The following EDIL3 variants were observed in gnomAD, a reference collection of about 807,000 sequenced individuals.
The protein encoded by EDIL3 is EGF-like repeat and discoidin I-like domain-containing protein 3.
In EDIL3, 37 loss-of-function variants were observed where a neutral mutation model predicts 67.4. The observed-to-expected ratio is 0.55, with a 90% confidence interval of 0.42 to 0.72. The LOEUF (loss-of-function observed/expected upper bound fraction) is 0.72, where lower values mean the gene tolerates loss of function less well. Ranked by LOEUF, EDIL3 falls within the 30% of genes least tolerant of loss-of-function variation. The probability of loss-of-function intolerance (pLI) is 0.00; values close to 1 mark genes in which losing one functional copy is unlikely to be tolerated. For missense variants in EDIL3, 527 were observed against 586.3 expected (o/e 0.90, Z 1.04); for synonymous variants, 195 against 196.3 (o/e 0.99, Z 0.05).
At chr5:84,215,634 T>G (rs1315116527) in intron 3 of EDIL3, among the ~76,000 whole-genome samples, 1 of 152,180 alleles carries the variant, frequency 6.6e-6, no homozygotes, top group Non-Finnish European at 1.5e-5. Flanking sequence ...ATGTGTGAAC[T>G]TTTTAGAGAC....
chr5:84,210,302 T>C (rs1340583524), intron 3 of EDIL3, among the ~76,000 whole-genome samples: 1 of 152,170 alleles, frequency 6.6e-6, no homozygotes, highest in Non-Finnish European at 1.5e-5. Context: ...TTTTACGTTT[T>C]GCAATGATGT....
chr5:84,035,086 G>C (rs1005717061), intron 9 of EDIL3, among the ~76,000 whole-genome samples: 2 of 151,906 alleles, frequency 1.3e-5, no homozygotes, highest in African/African-American at 4.8e-5. Context: ...AAGCTAATAC[G>C]ACTTTGGGAA....
chr5:84,265,898 T>G (rs1222717997), intron 1 of EDIL3, among the ~76,000 whole-genome samples: 2 of 152,216 alleles, frequency 1.3e-5, no homozygotes, highest in Non-Finnish European at 2.9e-5. Flanking sequence ...GTTTTGCCAC[T>G]TTCTTGGTTT....
At chr5:84,327,639 T>C (rs1421220303) in intron 1 of EDIL3, among the ~76,000 whole-genome samples, 1 of 151,968 alleles carries the variant, frequency 6.6e-6, no homozygotes, top group Non-Finnish European at 1.5e-5. Flanking sequence ...TAAAGTTGTG[T>C]ATTTTATTTT....
intron 3 of EDIL3, among the ~76,000 whole-genome samples, chr5:84,221,362 A>G (rs1219185476): frequency 6.6e-6 from 1 of 152,146 alleles, no homozygotes; most frequent in Non-Finnish European, 1.5e-5. Context: ...TGATAGTTTA[A>G]TTCTTAAACC....
intron 3 of EDIL3, among the ~76,000 whole-genome samples, chr5:84,200,501 A>C (rs939950120): frequency 1.3e-5 from 2 of 152,038 alleles, no homozygotes; most frequent in African/African-American, 4.8e-5. Context: ...TACCAAAAAA[A>C]ATTTACCATG....
chr5:84,338,643 A>G (rs1747036318), intron 1 of EDIL3, among the ~76,000 whole-genome samples: 2 of 152,166 alleles, frequency 1.3e-5, no homozygotes, highest in Non-Finnish European at 2.9e-5. Flanking sequence ...ACAAAACTCA[A>G]CATCACTGGG....
intron 2 of EDIL3, among the ~76,000 whole-genome samples, chr5:84,247,071 T>C (rs1744922362): frequency 6.6e-6 from 1 of 152,154 alleles, no homozygotes; most frequent in Non-Finnish European, 1.5e-5. Context: ...CCTAGTTGAC[T>C]GGAAAATTTC....
At position 84,363,114 on chromosome 5, in the gene EDIL3, A is replaced by G. The variant is rs1476707915; in HGVS notation, c.67+21194T>C. Among the ~76,000 whole-genome samples the G allele has an allele frequency of 2.0e-5, 3 of 152,146 alleles. No individual in the cohort carries two copies. In the South Asian group the frequency reaches 6.2e-4, roughly 32 times the overall value. ...GTATTAATAACTTTTGTATAAATAT[A>G]TATTTACAGTTCCTAGAGGGAAAAT... is the stretch of plus-strand genomic sequence containing the variant. On this transcript the variant is annotated intron_variant, in intron 1 of 10. Coordinates refer to ENST00000296591, the MANE Select transcript of EDIL3 (RefSeq NM_005711.5).
intron 3 of EDIL3, among the ~76,000 whole-genome samples, chr5:84,221,932 T>C (rs970881507): frequency 3.3e-5 from 5 of 151,844 alleles, no homozygotes; most frequent in Non-Finnish European, 5.9e-5. Flanking sequence ...GGAAATAAAA[T>C]ACTAAAATCA....
intron 1 of EDIL3, among the ~76,000 whole-genome samples, chr5:84,270,928 T>C (rs1017002194): frequency 3.9e-5 from 6 of 152,146 alleles, no homozygotes; most frequent in African/African-American, 1.2e-4. Flanking sequence ...CATTCATCAA[T>C]CCCTTCATTC....
chr5:84,230,231 T>G (rs1580388078), intron 2 of EDIL3, among the ~76,000 whole-genome samples: 1 of 152,228 alleles, frequency 6.6e-6, no homozygotes, highest in East Asian at 1.9e-4. Flanking sequence ...TTATTATAAA[T>G]ATTGCTGCTG....
At chr5:83,970,335 G>C (rs2112137156) in intron 9 of EDIL3, among the ~76,000 whole-genome samples, 1 of 144,738 alleles carries the variant, frequency 6.9e-6, no homozygotes, top group Admixed American at 6.8e-5. Context: ...TGTTCCTGCT[G>C]ATTTTTAAGA....
chr5:84,330,162 G>A (rs1746841184), intron 1 of EDIL3, among the ~76,000 whole-genome samples: 1 of 152,052 alleles, frequency 6.6e-6, no homozygotes, highest in Non-Finnish European at 1.5e-5. Flanking sequence ...AAATAAGTAA[G>A]ACAGAGACTA....
chr5:84,033,026 G>C (rs924756556), intron 9 of EDIL3, among the ~76,000 whole-genome samples: 1 of 152,058 alleles, frequency 6.6e-6, no homozygotes, highest in South Asian at 2.1e-4. Context: ...GGTTTCAAAG[G>C]CCGTATTTTC....
At chr5:84,000,027 T>C (rs1038445495) in intron 9 of EDIL3, among the ~76,000 whole-genome samples, 2 of 151,918 alleles carry the variant, frequency 1.3e-5, no homozygotes, top group African/African-American at 4.8e-5. Context: ...AAAACTTTTA[T>C]TCTAGAATAT....
Position 84,213,191 on chromosome 5 carries a change from G to GTT in EDIL3, c.226+16662_226+16663dup, listed in dbSNP as rs34340201. Among the ~76,000 whole-genome samples the GTT allele has an allele frequency of 7.4e-5, 11 of 149,158 alleles. No individual in the cohort carries two copies. In the South Asian group the frequency reaches 1.5e-3, roughly 20 times the overall value. ...TTAACATTGATCAGTATTTTCAGTG[G>GTT]TTTTTTTTTTTTGACGATCTTATAA... is the stretch of plus-strand genomic sequence containing the variant. On this transcript the variant is annotated intron_variant, in intron 3 of 10. Coordinates refer to ENST00000296591, the MANE Select transcript of EDIL3 (RefSeq NM_005711.5).
At chr5:84,355,524 C>G (rs1289123280) in intron 1 of EDIL3, among the ~76,000 whole-genome samples, 3 of 151,972 alleles carry the variant, frequency 2.0e-5, no homozygotes, top group African/African-American at 7.2e-5. Flanking sequence ...GTTGGTTTTC[C>G]TTTTACCAAT....
intron 10 of EDIL3, among the ~76,000 whole-genome samples, chr5:83,950,739 C>T (rs985412483): frequency 2.0e-5 from 3 of 151,782 alleles, no homozygotes; most frequent in African/African-American, 4.8e-5. Context: ...TACTTGTCCT[C>T]TTGCATATTT....
Sources: allele counts gnomAD v4.1 joint callset (sites outside exome capture counted in the v4.1 genomes callset), GRCh38; gene constraint gnomAD v4.1.1; transcripts MANE v1.5; gene names NCBI Gene and HGNC (gene_info 2026-07-23, HGNC 2026-07-21).